LSM5: variants seen among roughly 807,000 people sequenced by gnomAD.
The protein encoded by LSM5 is LSM5 homolog, U6 small nuclear RNA and mRNA degradation associated.
Under a neutral mutation model 13.8 loss-of-function variants are expected in LSM5, and 8 were observed. That is an observed-to-expected ratio of 0.58 (90% CI 0.34 to 1.04). The LOEUF (loss-of-function observed/expected upper bound fraction) is 1.04. LSM5 is among the 50% of genes least tolerant of loss of function. The pLI is 0.03. For missense variants in LSM5, 80 were observed against 108.1 expected (o/e 0.74, Z 1.15); for synonymous variants, 35 against 37.0 (o/e 0.95, Z 0.20).
At chr7:32,488,287 G>A (rs1459504601) in intron 3 of LSM5, 1 of 229,576 alleles carries the variant, frequency 4.4e-6, no homozygotes. Context: ...CTCCTCCTTT[G>A]GCCTTCCAAA....
upstream of LSM5, among the ~76,000 whole-genome samples, chr7:32,491,397 C>CAAAAAAAAAAAAAAAAAAAACAAAAAA (rs11393390): frequency 1.0e-5 from 1 of 97,934 alleles, no homozygotes. Context: ...AACTCCATCT[C>CAAAAAAAAAAAAAAAAAAAACAAAAAA]AAAAAAAAAA....
intron 1 of LSM5, chr7:32,490,116 AGTC>A (rs1786542874): frequency 6.5e-7 from 1 of 1,530,632 alleles, no homozygotes; most frequent in African/African-American, 1.4e-5. Flanking sequence ...TGGTTTGAGA[AGTC>A]AAAGTCCTTG....
At chr7:32,487,391 C>T in intron 4 of LSM5, 98 bp from the exon 5 acceptor site, 1 of 903,886 alleles carries the variant, frequency 1.1e-6, no homozygotes, top group Non-Finnish European at 1.8e-6. Flanking sequence ...GTCCCCTGCA[C>T]TCCACGTTCC....
At chr7:32,489,408 G>A in intron 1 of LSM5, 64 bp from the exon 2 acceptor site, 3 of 881,138 alleles carry the variant, frequency 3.4e-6, no homozygotes, top group South Asian at 2.8e-5. Context: ...GTGCCTACTG[G>A]CACTCTTACT....
At chr7:32,495,169 A>G (rs1271001167), upstream of LSM5, 1 of 152,626 alleles carries the variant, frequency 6.6e-6, no homozygotes, top group Non-Finnish European at 1.5e-5. Context: ...AGAAGGCAAA[A>G]GAGAAGGAAG....
At chr7:32,492,645 A>G (rs1173106465), upstream of LSM5, among the ~76,000 whole-genome samples, 1 of 152,252 alleles carries the variant, frequency 6.6e-6, no homozygotes, top group Non-Finnish European at 1.5e-5. Context: ...TACATAGTAG[A>G]GTTAATGGGG....
At chr7:32,488,729 T>C in intron 2 of LSM5, 77 bp from the exon 3 acceptor site, 1 of 1,061,764 alleles carries the variant, frequency 9.4e-7, no homozygotes, top group Non-Finnish European at 1.5e-6. Context: ...TTTTTTGTTT[T>C]TGTTTTTGTT....
At chr7:32,489,412 T>A in intron 1 of LSM5, 68 bp from the exon 2 acceptor site, 1 of 846,020 alleles carries the variant, frequency 1.2e-6, no homozygotes, top group Non-Finnish European at 2.0e-6. Context: ...CTACTGGCAC[T>A]CTTACTTGCA....
intron 1 of LSM5, chr7:32,490,119 C>A: frequency 6.5e-7 from 1 of 1,532,432 alleles, no homozygotes. Context: ...TTTGAGAAGT[C>A]AAAGTCCTTG....
upstream of LSM5, chr7:32,490,490 C>T: frequency 1.3e-6 from 1 of 755,296 alleles, no homozygotes; most frequent in Non-Finnish European, 2.3e-6. Flanking sequence ...TAGTCAGCTG[C>T]GTGGGTCGCG....
chr7:32,490,041 G>C, intron 1 of LSM5: 1 of 1,415,484 alleles, frequency 7.1e-7, no homozygotes, highest in Admixed American at 2.2e-5. Context: ...CACTGCAGAG[G>C]CGGGCTCACA....
At chr7:32,491,591 T>G (rs1786588743), upstream of LSM5, among the ~76,000 whole-genome samples, 1 of 152,144 alleles carries the variant, frequency 6.6e-6, no homozygotes, top group African/African-American at 2.4e-5. Context: ...TGGTTCAAAT[T>G]CCATGGTCAG....
At chr7:32,493,895 A>G (rs1213994236), upstream of LSM5, among the ~76,000 whole-genome samples, 2 of 144,332 alleles carry the variant, frequency 1.4e-5, no homozygotes, top group African/African-American at 5.2e-5. Context: ...CTTGTCCCCC[A>G]GGCTGAAGTG....
intron 1 of LSM5, 187 bp downstream of exon 1, chr7:32,490,133 G>T (rs1331235580): frequency 1.3e-6 from 2 of 1,538,700 alleles, no homozygotes; most frequent in Non-Finnish European, 1.8e-6. Flanking sequence ...GTCCTTGCCT[G>T]GAGGAGCCCG....
At chr7:32,491,110 G>C (rs1786574231), upstream of LSM5, among the ~76,000 whole-genome samples, 1 of 152,174 alleles carries the variant, frequency 6.6e-6, no homozygotes, top group Admixed American at 6.5e-5. Flanking sequence ...AACCTGAACA[G>C]TCTAGGTCAG....
rs770060497 is a variant in LSM5 at position 32,490,340 on chromosome 7, G to C, written c.26C>G (p.Pro9Arg). The change falls in exon 1 of 5, where the codon CCG (proline) becomes CGG (arginine). Residue 9 changes from proline (P) to arginine (R), a missense_variant. Transcript: ENST00000450169. MAANATTN[P>R]SQLLPLELVD... Reference sequence around the variant, plus strand: ...ATTACCTAAGGGCAGCAGCTGCGACGGGTTGGTAGTAGCGTTAGCCGCCAT... The same window carrying C: ...ATTACCTAAGGGCAGCAGCTGCGACCGGTTGGTAGTAGCGTTAGCCGCCAT... The C allele has an allele frequency of 1.2e-6, 2 of 1,614,126 alleles. No homozygotes were observed. Among genetic ancestry groups the C allele is most frequent in the South Asian group, 2.2e-5 (2 of 91,084 alleles).
chr7:32,488,210 A>G, intron 3 of LSM5: 1 of 200,132 alleles, frequency 5.0e-6, no homozygotes, highest in Non-Finnish European at 1.0e-5. Flanking sequence ...GCTAATTTTT[A>G]AATTTTTTAT....
Position 32,485,942 on chromosome 7 carries a change from C to CAAAAAAAAAAAA in LSM5, c.*1307_*1318dup, listed in dbSNP as rs10598963. 8.7e-6 allele frequency: 1 copy of CAAAAAAAAAAAA among 114,544 alleles called. No homozygotes were observed. The allele number at this position is 114,544 out of a possible 1,614,324, so 7.1% of individuals were successfully genotyped here. A position where few individuals can be genotyped will look rare whatever the true frequency, so the allele number is the denominator to read the frequency against. ...GCCACTGCATTCCAGTGAGACTCTCCAAAAAAAAAAAAAAAAAAAAAAAAA... is the reference window on the plus strand; with the variant it reads ...GCCACTGCATTCCAGTGAGACTCTCCAAAAAAAAAAAAAAAAAAAAAAAAAAAAAAAAAAAAA... On this transcript the variant is annotated 3_prime_UTR_variant, in exon 5 of 5. Transcript: ENST00000450169.
chr7:32,490,731 C>T (rs1786565251), upstream of LSM5: 1 of 245,576 alleles, frequency 4.1e-6, no homozygotes, highest in Admixed American at 5.1e-5. Context: ...ATTCGTATTT[C>T]CTGCCATCAA....
Sources: allele counts gnomAD v4.1 joint callset (sites outside exome capture counted in the v4.1 genomes callset), GRCh38; gene constraint gnomAD v4.1.1; transcripts MANE v1.5; gene names NCBI Gene and HGNC (gene_info 2026-07-23, HGNC 2026-07-21).